Variants in SLC9A9 observed in about 807,000 individuals in gnomAD.
SLC9A9 encodes the protein solute carrier family 9 member A9.
Under a neutral mutation model 77.8 loss-of-function variants are expected in SLC9A9, and 62 were observed. The observed-to-expected ratio is 0.80, with a 90% confidence interval of 0.65 to 0.98. The LOEUF is 0.98. SLC9A9 is among the 50% of genes least tolerant of loss of function. SLC9A9 has a pLI of 0.00. For synonymous variants in SLC9A9, 320 were observed against 283.5 expected (o/e 1.13, Z -1.29); for missense variants, 775 against 774.9 (o/e 1.00, Z 0.00).
At chr3:143,347,824 A>G (rs920189202) in intron 14 of SLC9A9, among the ~76,000 whole-genome samples, 3 of 152,160 alleles carry the variant, frequency 2.0e-5, no homozygotes, top group Non-Finnish European at 2.9e-5. Flanking sequence ...TTTTGAAAGG[A>G]TTGTTCCAAA....
rs528211821 is a variant in SLC9A9, at chr3:143,663,136, G to A, written c.650-10776C>T. Among the ~76,000 whole-genome samples the A allele has an allele frequency of 3.8e-4, 58 of 152,314 alleles. 1 individual carries two copies. In the South Asian group the frequency reaches 0.012, roughly 31 times the overall value. On this transcript the variant is annotated intron_variant, in intron 5 of 15. Transcript: ENST00000316549. ...CTTTGGCTGTTCGGCAATATTTGCT[G>A]TTCTGCAGCCTCCTCTGGTGATACC...
intron 14 of SLC9A9, among the ~76,000 whole-genome samples, chr3:143,315,849 C>T (rs1456402822): frequency 6.6e-6 from 1 of 152,172 alleles, no homozygotes; most frequent in African/African-American, 2.4e-5. Context: ...GAACACAATC[C>T]CATGGCCCTA....
chr3:143,630,577 T>A (rs1276544340), intron 6 of SLC9A9, among the ~76,000 whole-genome samples: 1 of 152,188 alleles, frequency 6.6e-6, no homozygotes, highest in African/African-American at 2.4e-5. Flanking sequence ...ATTTTGTTAA[T>A]GATAATGCAG....
In SLC9A9 at chr3:143,641,455, G is replaced by A. The variant is rs749441456; in HGVS notation, c.755+10800C>T. On this transcript the variant is annotated intron_variant, in intron 6 of 15. Transcript: ENST00000316549. ...TGCCTAGGCAACAGAGTGCAGTGGCGCAATCTTGACTCACTGCAAGCTCTG... is the reference window on the plus strand; with the variant it reads ...TGCCTAGGCAACAGAGTGCAGTGGCACAATCTTGACTCACTGCAAGCTCTG... Among the ~76,000 whole-genome samples the A allele has an allele frequency of 1.1e-3, 149 of 136,648 alleles. 2 individuals carry two copies. Among genetic ancestry groups the A allele is most frequent in the Admixed American group, 4.9e-4 (6 of 12,350 alleles). 89.6% of individuals were successfully genotyped at this position (136,648 alleles called of 152,430 possible).
chr3:143,665,076 T>C (rs1057417673), intron 5 of SLC9A9, among the ~76,000 whole-genome samples: 1 of 152,198 alleles, frequency 6.6e-6, no homozygotes. Context: ...ATTGACCACA[T>C]AGGTGGAAGT....
intron 4 of SLC9A9, among the ~76,000 whole-genome samples, chr3:143,761,306 C>A (rs909617755): frequency 6.6e-6 from 1 of 152,112 alleles, no homozygotes; most frequent in East Asian, 1.9e-4. Context: ...TCTAAAACAC[C>A]AAAAGCCATG....
rs55750613 is a variant in SLC9A9 at position 143,772,022 on chromosome 3, ATGTGTGTG to A, written c.533+22971_533+22978del. 8.9e-3 allele frequency among the ~76,000 whole-genome samples: 1,262 copies of A among 141,710 alleles called. 19 individuals are homozygous for A. Among genetic ancestry groups the A allele is most frequent in the African/African-American group, 0.031 (1,172 of 38,146 alleles). The allele number at this position is 141,710 out of a possible 152,430, so 93.0% of individuals were successfully genotyped here. A position where few individuals can be genotyped will look rare whatever the true frequency, so the allele number is the denominator to read the frequency against. ...AAGACAGCCTCAGAGCATCCCCAGA[ATGTGTGTG>A]TGTGTGTGTGTGTGTGTGTGTGTGT... On this transcript the variant is annotated intron_variant, in intron 4 of 15. Coordinates refer to ENST00000316549, the MANE Select transcript of SLC9A9 (RefSeq NM_173653.4).
At chr3:143,652,627 C>T (rs991985930) in intron 5 of SLC9A9, among the ~76,000 whole-genome samples, 65 of 152,172 alleles carry the variant, frequency 4.3e-4, no homozygotes, top group African/African-American at 1.6e-3. Flanking sequence ...CTCCCTCTGC[C>T]CCCTTTGCTG....
intron 6 of SLC9A9, among the ~76,000 whole-genome samples, chr3:143,593,501 A>G (rs2108680385): frequency 6.6e-6 from 1 of 152,298 alleles, no homozygotes; most frequent in African/African-American, 2.4e-5. Flanking sequence ...ACCTATTATC[A>G]CCTTCTTGGA....
At chr3:143,753,117 C>T (rs2006797131) in intron 4 of SLC9A9, among the ~76,000 whole-genome samples, 1 of 152,202 alleles carries the variant, frequency 6.6e-6, no homozygotes, top group Admixed American at 6.5e-5. Context: ...TCCTCTCTCC[C>T]CACTCCCTTG....
intron 14 of SLC9A9, among the ~76,000 whole-genome samples, chr3:143,351,808 T>A (rs2032462406): frequency 6.6e-6 from 1 of 152,134 alleles, no homozygotes; most frequent in Non-Finnish European, 1.5e-5. Flanking sequence ...GTCACTGAAT[T>A]TAGTATCATT....
chr3:143,558,558 A>G (rs2037027302), intron 8 of SLC9A9, among the ~76,000 whole-genome samples: 1 of 152,198 alleles, frequency 6.6e-6, no homozygotes, highest in Non-Finnish European at 1.5e-5. Flanking sequence ...AAAGGAGATC[A>G]TTTTGGAACT....
chr3:143,345,233 T>A (rs1030728960), intron 14 of SLC9A9, among the ~76,000 whole-genome samples: 1 of 152,166 alleles, frequency 6.6e-6, no homozygotes, highest in Non-Finnish European at 1.5e-5. Flanking sequence ...AGTATACAGA[T>A]GGAATCACCT....
At chr3:143,327,650 G>A (rs1311113153) in intron 14 of SLC9A9, among the ~76,000 whole-genome samples, 3 of 151,900 alleles carry the variant, frequency 2.0e-5, no homozygotes, top group Admixed American at 1.3e-4. Context: ...TCCATCTATG[G>A]CCACCTACTG....
intron 6 of SLC9A9, among the ~76,000 whole-genome samples, chr3:143,598,029 G>A (rs1039409287): frequency 6.6e-6 from 1 of 152,000 alleles, no homozygotes; most frequent in Admixed American, 6.5e-5. Context: ...GCAGACAAAA[G>A]GTTCTGTACC....
intron 4 of SLC9A9, among the ~76,000 whole-genome samples, chr3:143,788,455 C>G (rs1259273391): frequency 6.6e-6 from 1 of 152,098 alleles, no homozygotes; most frequent in Non-Finnish European, 1.5e-5. Context: ...CTTTGGGAGG[C>G]CAAGGTGGGT....
intron 14 of SLC9A9, among the ~76,000 whole-genome samples, chr3:143,325,623 CTG>C (rs2031570798): frequency 6.6e-6 from 1 of 152,176 alleles, no homozygotes. Flanking sequence ...ATAGGAGAAA[CTG>C]ACAGCCAGAG....
chr3:143,331,618 T>C (rs190369725), intron 14 of SLC9A9, among the ~76,000 whole-genome samples: 1 of 152,304 alleles, frequency 6.6e-6, no homozygotes, highest in African/African-American at 2.4e-5. Context: ...TATTCAGTTA[T>C]TCAGTAGGCT....
At chr3:143,466,751 T>G (rs1185815641) in intron 12 of SLC9A9, among the ~76,000 whole-genome samples, 1 of 152,242 alleles carries the variant, frequency 6.6e-6, no homozygotes, top group African/African-American at 2.4e-5. Context: ...TATACCACAT[T>G]GTACTGAATA....
Sources: gnomAD v4.1 joint callset for allele counts (sites outside exome capture counted in the v4.1 genomes callset) on GRCh38, gnomAD v4.1.1 for gene constraint, MANE v1.5 for transcripts, NCBI Gene and HGNC (gene_info 2026-07-23, HGNC 2026-07-21) for gene names.